Variants in CCDC13 observed in about 807,000 individuals in gnomAD.
CCDC13 encodes the protein coiled-coil domain containing 13, also known as coiled-coil domain-containing protein 13.
CCDC13 carries 70 observed loss-of-function variants against 87.3 expected under a neutral mutation model. The observed-to-expected ratio is 0.80, with a 90% CI of 0.66 to 0.98. CCDC13 has a LOEUF of 0.98. Ranked by LOEUF, CCDC13 falls within the 50% of genes least tolerant of loss-of-function variation. CCDC13 has a pLI of 0.00. For missense variants in CCDC13, 842 were observed against 892.0 expected (o/e 0.94, Z 0.71); for synonymous variants, 317 against 360.3 (o/e 0.88, Z 1.36).
intron 1 of CCDC13, among the ~76,000 whole-genome samples, chr3:42,761,652 GC>G (rs1699833809): frequency 6.6e-6 from 1 of 152,166 alleles, no homozygotes; most frequent in African/African-American, 2.4e-5. Flanking sequence ...CTAAACCACA[GC>G]TCTGAGCCTG....
intron 12 of CCDC13, among the ~76,000 whole-genome samples, chr3:42,732,111 C>A (rs1698849779): frequency 6.6e-6 from 1 of 152,252 alleles, no homozygotes; most frequent in African/African-American, 2.4e-5. Flanking sequence ...GAGCGTGGCA[C>A]ATGCCTTGTG....
intron 1 of CCDC13, among the ~76,000 whole-genome samples, chr3:42,772,451 G>C (rs560310445): frequency 5.6e-4 from 85 of 152,214 alleles, no homozygotes; most frequent in African/African-American, 2.0e-3. Context: ...ACAGGGACCA[G>C]TGAGGAAGGA....
intron 14 of CCDC13, among the ~76,000 whole-genome samples, chr3:42,711,066 TA>T (rs375127901): frequency 8.9e-4 from 134 of 151,410 alleles, no homozygotes; most frequent in African/African-American, 3.2e-3. Flanking sequence ...GCCAACATGG[TA>T]AAACACCATC....
chr3:42,758,765 T>G (rs982304163), intron 1 of CCDC13, among the ~76,000 whole-genome samples: 10 of 152,204 alleles, frequency 6.6e-5, no homozygotes, highest in African/African-American at 2.4e-4. Context: ...TTCTTTTTCT[T>G]TTTAAATTCA....
intron 1 of CCDC13, among the ~76,000 whole-genome samples, chr3:42,765,048 T>C (rs763094213): frequency 9.9e-5 from 15 of 152,166 alleles, no homozygotes; most frequent in Admixed American, 5.2e-4. Context: ...CTACTCCCAA[T>C]TTGCACTTGA....
rs745954416 is a variant in CCDC13 at position 42,709,725 on chromosome 3, G to A, written c.1947C>T (p.Ser649=). The A allele has an allele frequency of 8.6e-5, 139 of 1,614,048 alleles. No homozygotes were observed. Among genetic ancestry groups the A allele is most frequent in the East Asian group, 3.3e-4 (15 of 44,886 alleles). Residue 649 remains serine, a synonymous_variant, in exon 15 of 16, where the codon TCC becomes TCT. Coordinates refer to ENST00000310232, the MANE Select transcript of CCDC13 (RefSeq NM_144719.4). ...EKKDPSFAQL[S]DVPVESQMEE... is the part of the protein sequence containing the mutation. ...CCATTTGGGATTCCACGGGCACATC[G>A]GAGAGCTGGGCAAAGGATGGGTCCT... is the stretch of plus-strand genomic sequence containing the variant.
intron 9 of CCDC13, among the ~76,000 whole-genome samples, chr3:42,738,402 T>A (rs1699101977): frequency 6.6e-6 from 1 of 152,250 alleles, no homozygotes; most frequent in Non-Finnish European, 1.5e-5. Flanking sequence ...GGGCTCTTTT[T>A]TGATTCCATA....
intron 7 of CCDC13, among the ~76,000 whole-genome samples, chr3:42,743,587 T>TTTTATATATATATATATATATATATATA (rs1699292826): frequency 1.0e-5 from 1 of 97,694 alleles, no homozygotes; most frequent in Non-Finnish European, 1.9e-5. Context: ...CTGGATAATT[T>TTTTATATATATATATATATATATATATA]TATATATATA....
intron 13 of CCDC13, among the ~76,000 whole-genome samples, chr3:42,724,574 C>G (rs1698645148): frequency 6.6e-6 from 1 of 152,210 alleles, no homozygotes; most frequent in Non-Finnish European, 1.5e-5. Flanking sequence ...CCTAACTCAG[C>G]TAGATCCTAA....
rs1173210749 is a variant in CCDC13 at position 42,733,693 on chromosome 3, G to A, written c.1372-84C>T. The A allele has an allele frequency of 2.5e-5, 37 of 1,489,524 alleles. No individual in the cohort carries two copies. In the East Asian group the frequency reaches 2.6e-4, roughly 11 times the overall value. The allele number at this position is 1,489,524 out of a possible 1,614,324, so 92.3% of individuals were successfully genotyped here. On this transcript the variant is annotated intron_variant, in intron 10 of 15. Coordinates refer to ENST00000310232, the MANE Select transcript of CCDC13 (RefSeq NM_144719.4). The stretch of plus-strand genomic sequence containing the variant: ...CAGGAGGGGATCTTGGCTTGATTTC[G>A]GGGCTTTCAGAGGATATGAAAGAGG...
At chr3:42,728,233 T>C (rs1447063339) in intron 13 of CCDC13, among the ~76,000 whole-genome samples, 1 of 152,238 alleles carries the variant, frequency 6.6e-6, no homozygotes, top group East Asian at 1.9e-4. Context: ...CCTGAGGCAC[T>C]TTCCACTGCA....
At position 42,707,359 on chromosome 3, in the gene CCDC13, C is replaced by T. The variant is rs560629406; in HGVS notation, c.*1621G>A. 6.6e-6 allele frequency among the ~76,000 whole-genome samples: 1 copy of T among 152,188 alleles called. No homozygotes were observed. Among genetic ancestry groups the T allele is most frequent in the Non-Finnish European group, 1.5e-5 (1 of 68,030 alleles). On this transcript the variant is annotated 3_prime_UTR_variant, in exon 16 of 16. Transcript: ENST00000310232. ...TTCCTTCCCAGAGACCCTTAGGACC[C>T]CACCAGAATCATCAGTTCATCCCGG... is the stretch of plus-strand genomic sequence containing the variant.
At chr3:42,741,933 A>G (rs1376318336) in intron 8 of CCDC13, among the ~76,000 whole-genome samples, 2 of 152,206 alleles carry the variant, frequency 1.3e-5, no homozygotes, top group African/African-American at 4.8e-5. Context: ...GGCCTAACCC[A>G]GCGTTGGTGC....
intron 1 of CCDC13, among the ~76,000 whole-genome samples, chr3:42,762,416 G>A (rs992807449): frequency 6.6e-6 from 1 of 152,138 alleles, no homozygotes; most frequent in South Asian, 2.1e-4. Context: ...GGGGACCTTG[G>A]GCCATTCCAG....
chr3:42,733,939 C>T (rs1698914380), intron 10 of CCDC13, among the ~76,000 whole-genome samples: 3 of 152,300 alleles, frequency 2.0e-5, no homozygotes, highest in South Asian at 2.1e-4. Flanking sequence ...CTTCTCCAGG[C>T]GGCCCCACCC....
intron 8 of CCDC13, among the ~76,000 whole-genome samples, chr3:42,742,228 C>A (rs965521597): frequency 6.6e-6 from 1 of 152,172 alleles, no homozygotes; most frequent in Non-Finnish European, 1.5e-5. Flanking sequence ...CAGGCTAGAC[C>A]AAAGACACTC....
chr3:42,717,069 C>G (rs760834168), intron 13 of CCDC13, among the ~76,000 whole-genome samples: 2 of 152,088 alleles, frequency 1.3e-5, no homozygotes, highest in South Asian at 2.1e-4. Context: ...AAGCCAGACA[C>G]GAAAGGGTAA....
chr3:42,733,548 G>A lies in CCDC13; in HGVS notation c.1433C>T (p.Thr478Ile), dbSNP rs1431076265. The A allele has an allele frequency of 2.5e-6, 4 of 1,614,006 alleles. No homozygotes were observed. The highest frequency in any genetic ancestry group is 2.7e-5 in the African/African-American group (2 of 74,920). ...SSGREVSPAYTQFLEDPGLTK... is the reference protein window; with the variant it reads ...SSGREVSPAYIQFLEDPGLTK... The stretch of plus-strand genomic sequence containing the variant: ...CAGGCCTGGGTCCTCCAGGAACTGG[G>A]TATAGGCAGGGCTGACCTCGCGGCC... Residue 478 changes from threonine (T) to isoleucine (I), a missense_variant, in exon 11 of 16, where the codon ACC (threonine) becomes ATC (isoleucine). Thr to Ile is a moderately conservative substitution (Grantham distance 89). Coordinates refer to ENST00000310232, the MANE Select transcript of CCDC13 (RefSeq NM_144719.4).
At chr3:42,772,829 GC>G (rs1482589925) in intron 1 of CCDC13, among the ~76,000 whole-genome samples, 1 of 152,232 alleles carries the variant, frequency 6.6e-6, no homozygotes, top group Non-Finnish European at 1.5e-5. Context: ...GTGCGAGAGG[GC>G]CCAGTGGCAG....
Sources: gnomAD v4.1 joint callset for allele counts (sites outside exome capture counted in the v4.1 genomes callset) on GRCh38, gnomAD v4.1.1 for gene constraint, MANE v1.5 for transcripts, NCBI Gene and HGNC (gene_info 2026-07-23, HGNC 2026-07-21) for gene names.